Variants in CPNE4 observed in about 807,000 individuals in gnomAD.
CPNE4 encodes copine-4.
CPNE4 carries 25 observed loss-of-function variants against 67.9 expected under a neutral mutation model. The observed-to-expected ratio is 0.37, with a 90% CI of 0.27 to 0.51. CPNE4 has a LOEUF of 0.51. Among genes scored for constraint, CPNE4 ranks in the 20% least tolerant of loss-of-function variants. The pLI is 0.93. For missense variants in CPNE4, 464 were observed against 690.8 expected (o/e 0.67, Z 3.68); for synonymous variants, 242 against 244.9 (o/e 0.99, Z 0.11).
intron 2 of CPNE4, among the ~76,000 whole-genome samples, chr3:131,823,093 C>T (rs140947865): frequency 0.034 from 5,246 of 152,296 alleles, 298 homozygotes; most frequent in African/African-American, 0.12. Context: ...CCTGCCTCAG[C>T]CTCCCAAAGT....
rs566615493 is a variant in CPNE4 at position 131,536,705 on chromosome 3, C to A, written c.1540-1376G>T. Among the ~76,000 whole-genome samples, 3 of 152,326 alleles carry A rather than the reference C, an allele frequency of 2.0e-5. No homozygotes were observed. The East Asian group carries it at 5.8e-4, about 29-fold the overall frequency. On this transcript the variant is annotated intron_variant, in intron 15 of 15. Coordinates refer to ENST00000429747, the MANE Select transcript of CPNE4 (RefSeq NM_130808.3). Reference sequence around the variant, plus strand: ...CTGTAAAGAGTTTTTCTCAAGTGATCTTTCACATTTTGAAGATGTCATAGC... The same window carrying A: ...CTGTAAAGAGTTTTTCTCAAGTGATATTTCACATTTTGAAGATGTCATAGC...
intron 2 of CPNE4, among the ~76,000 whole-genome samples, chr3:131,890,521 T>G (rs1227977262): frequency 6.6e-6 from 1 of 151,962 alleles, no homozygotes; most frequent in Non-Finnish European, 1.5e-5. Flanking sequence ...GCAGCCATTA[T>G]GGAAAACAGT....
In CPNE4 at chr3:131,924,271, C is replaced by A. The variant is rs557117252; in HGVS notation, c.-1-18827G>T. ...CTTCATCCCCCATCCCAACTTCCAA[C>A]CTTATCAGTGAAGAAGGAGTGGGAG... On this transcript the variant is annotated intron_variant, in intron 1 of 15. Transcript: ENST00000429747. 5.9e-5 allele frequency among the ~76,000 whole-genome samples: 9 copies of A among 152,268 alleles called. No homozygotes were observed. In the South Asian group the frequency reaches 1.5e-3, roughly 25 times the overall value.
In CPNE4 at chr3:131,728,686, G is replaced by A. The variant is rs531747088; in HGVS notation, c.181-5061C>T. 2.9e-4 allele frequency among the ~76,000 whole-genome samples: 44 copies of A among 152,004 alleles called. 1 individual carries two copies. In the South Asian group the frequency reaches 3.7e-3, roughly 13 times the overall value. On this transcript the variant is annotated intron_variant, in intron 2 of 15. Coordinates refer to ENST00000429747, the MANE Select transcript of CPNE4 (RefSeq NM_130808.3). ...AGCACTTTGGGAGGCCGAGGCGGGC[G>A]GATCACGAGGTCAGGAGATGGAGAC... is the stretch of plus-strand genomic sequence containing the variant.
chr3:131,879,343 A>G (rs940849059), intron 2 of CPNE4, among the ~76,000 whole-genome samples: 1 of 152,176 alleles, frequency 6.6e-6, no homozygotes, highest in African/African-American at 2.4e-5. Context: ...TTTTTCCCTA[A>G]GCTTCTCTAT....
At chr3:131,663,092 A>C (rs1229441331) in intron 7 of CPNE4, among the ~76,000 whole-genome samples, 1 of 152,252 alleles carries the variant, frequency 6.6e-6, no homozygotes, top group African/African-American at 2.4e-5. Flanking sequence ...CTGGATAAAG[A>C]AAATGTGGCA....
chr3:131,544,036 A>G (rs1442821737), intron 14 of CPNE4, among the ~76,000 whole-genome samples: 1 of 152,222 alleles, frequency 6.6e-6, no homozygotes, highest in Non-Finnish European at 1.5e-5. Flanking sequence ...GAGAAGGATG[A>G]CCCATTGGAG....
chr3:131,986,618 C>T (rs1168548058), intron 1 of CPNE4, among the ~76,000 whole-genome samples: 1 of 152,092 alleles, frequency 6.6e-6, no homozygotes, highest in Non-Finnish European at 1.5e-5. Context: ...CTTAAGGAGG[C>T]TGGGCCCGGT....
chr3:131,552,567 T>C lies in CPNE4; in HGVS notation c.1117-76A>G, dbSNP rs1936241969. ...TTAATCCAGTAAGAAGGCACTGGGG[T>C]TTAGAGTTTGCAAACAAATGCCCAT... On this transcript the variant is annotated intron_variant, in intron 12 of 15. Transcript: ENST00000429747. 6 of 1,248,436 alleles carry C rather than the reference T, an allele frequency of 4.8e-6. No individual in the cohort carries two copies. The East Asian group carries it at 1.4e-4, about 29-fold the overall frequency. 77.3% of individuals were successfully genotyped at this position (1,248,436 alleles called of 1,614,324 possible).
intron 4 of CPNE4, among the ~76,000 whole-genome samples, chr3:131,696,892 T>G (rs1035895478): frequency 1.3e-5 from 2 of 152,222 alleles, no homozygotes; most frequent in Non-Finnish European, 2.9e-5. Context: ...AAGAGCAGTT[T>G]GGAAGAGCTT....
intron 9 of CPNE4, among the ~76,000 whole-genome samples, chr3:131,576,870 G>A (rs1203146066): frequency 6.6e-6 from 1 of 152,090 alleles, no homozygotes; most frequent in African/African-American, 2.4e-5. Context: ...GACCCTAGGG[G>A]CATATAAGGT....
chr3:131,729,024 C>T (rs553249235), intron 2 of CPNE4, among the ~76,000 whole-genome samples: 10 of 152,120 alleles, frequency 6.6e-5, no homozygotes, highest in African/African-American at 2.2e-4. Context: ...GGAACTGCCA[C>T]AGGCAAAGTT....
At chr3:131,937,856 A>T (rs1033591993) in intron 1 of CPNE4, among the ~76,000 whole-genome samples, 5 of 152,160 alleles carry the variant, frequency 3.3e-5, no homozygotes, top group Non-Finnish European at 1.5e-5. Context: ...AAGAAACGTA[A>T]TATCATTTCT....
intron 1 of CPNE4, among the ~76,000 whole-genome samples, chr3:131,958,735 G>A (rs2072065770): frequency 2.7e-5 from 4 of 146,960 alleles, no homozygotes; most frequent in South Asian, 2.2e-4. Context: ...CTTGGCTCAC[G>A]GCAACCTCCA....
At chr3:131,717,977 G>GTC (rs376739428) in intron 3 of CPNE4, among the ~76,000 whole-genome samples, 3,204 of 117,076 alleles carry the variant, frequency 0.027, 178 homozygotes, top group African/African-American at 0.097. Context: ...CTCTCTCTCT[G>GTC]TCTCTCTCTC....
intron 2 of CPNE4, among the ~76,000 whole-genome samples, chr3:131,739,794 G>GAC (rs557650778): frequency 6.6e-5 from 10 of 152,310 alleles, no homozygotes; most frequent in African/African-American, 2.4e-4. Context: ...GACACTTGAG[G>GAC]AAGTTTAGTA....
intron 1 of CPNE4, among the ~76,000 whole-genome samples, chr3:131,909,901 G>A (rs959353374): frequency 6.6e-6 from 1 of 151,038 alleles, no homozygotes; most frequent in African/African-American, 2.5e-5. Flanking sequence ...CATGTTTAGA[G>A]TTTTTTAAAT....
chr3:131,637,023 C>T (rs540583554), intron 7 of CPNE4, among the ~76,000 whole-genome samples: 54 of 152,294 alleles, frequency 3.5e-4, no homozygotes, highest in African/African-American at 1.3e-3. Context: ...CCCAGTGGGA[C>T]AAAAGAATCT....
intron 1 of CPNE4, among the ~76,000 whole-genome samples, chr3:131,980,427 T>C (rs1191178913): frequency 6.6e-6 from 1 of 152,176 alleles, no homozygotes; most frequent in Non-Finnish European, 1.5e-5. Context: ...TTGGATTGGG[T>C]TAATTTGAAG....
Sources: allele counts gnomAD v4.1 joint callset (sites outside exome capture counted in the v4.1 genomes callset), GRCh38; gene constraint gnomAD v4.1.1; transcripts MANE v1.5; gene names NCBI Gene and HGNC (gene_info 2026-07-23, HGNC 2026-07-21).